The following SNTG2 variants were observed in gnomAD, a reference collection of about 807,000 sequenced individuals.
SNTG2 encodes syntrophin gamma 2.
In SNTG2, 74 loss-of-function variants were observed where a neutral mutation model predicts 70.9. That is an observed-to-expected ratio of 1.04 (90% confidence interval 0.86 to 1.27). The LOEUF (loss-of-function observed/expected upper bound fraction) is 1.27, where lower values mean the gene tolerates loss of function less well. Ranked by LOEUF, SNTG2 falls within the 50% of genes most tolerant of loss-of-function variation. The pLI is 0.00. For synonymous variants in SNTG2, 278 were observed against 273.8 expected (o/e 1.02, Z -0.15); for missense variants, 717 against 690.7 (o/e 1.04, Z -0.43).
At chr2:1,118,307 A>T (rs1667168172) in intron 4 of SNTG2, among the ~76,000 whole-genome samples, 1 of 152,068 alleles carries the variant, frequency 6.6e-6, no homozygotes, top group Admixed American at 6.6e-5. Flanking sequence ...GAGAAGTCAA[A>T]AGTAGTAGGA....
At chr2:1,339,363 A>G (rs926011943) in intron 16 of SNTG2, among the ~76,000 whole-genome samples, 3 of 152,120 alleles carry the variant, frequency 2.0e-5, no homozygotes, top group Non-Finnish European at 4.4e-5. Flanking sequence ...AAAGTTTTTT[A>G]TTTTGATCAA....
intron 4 of SNTG2, among the ~76,000 whole-genome samples, chr2:1,116,897 A>ACGGGTGCCCTG (rs1667038621): frequency 3.6e-5 from 1 of 28,128 alleles, no homozygotes; most frequent in African/African-American, 1.4e-4. Flanking sequence ...CGGGTGCCCT[A>ACGGGTGCCCTG]GTGTGTGGGT....
intron 14 of SNTG2, among the ~76,000 whole-genome samples, chr2:1,280,515 G>A (rs1382909044): frequency 1.3e-5 from 2 of 152,136 alleles, no homozygotes; most frequent in African/African-American, 2.4e-5. Flanking sequence ...ACTGGCCTTG[G>A]GGGGACCCAC....
Position 1,064,780 on chromosome 2 carries a change from CAG to C in SNTG2, c.73-18736_73-18735del, listed in dbSNP as rs1423768559. 2.0e-5 allele frequency among the ~76,000 whole-genome samples: 3 copies of C among 152,086 alleles called. No individual in the cohort carries two copies. In the East Asian group the frequency reaches 5.8e-4, roughly 29 times the overall value. ...AAGAACAAAGAATACAGTATCCAAA[CAG>C]AACACACACGGCAAACATGGTGAAA... On this transcript the variant is annotated intron_variant, in intron 1 of 16. Transcript: ENST00000308624.
intron 16 of SNTG2, among the ~76,000 whole-genome samples, chr2:1,339,100 T>C (rs1055653480): frequency 1.4e-4 from 21 of 152,224 alleles, no homozygotes; most frequent in African/African-American, 4.8e-4. Context: ...TTTGTTTGTT[T>C]GCATTTCCCC....
intron 1 of SNTG2, among the ~76,000 whole-genome samples, chr2:952,735 A>G (rs1215123048): frequency 6.6e-6 from 1 of 152,234 alleles, no homozygotes; most frequent in African/African-American, 2.4e-5. Context: ...CTAACTTTGC[A>G]GTCATAAGTA....
rs1383967758 is a variant in SNTG2 at position 1,332,648 on chromosome 2, G to A, written c.1488+16273G>A. Reference sequence around the variant, plus strand: ...GTTTCATACTGAGGATGCAGGGATGGTTTAACATACGTAAGTCAATAAATA... The same window carrying A: ...GTTTCATACTGAGGATGCAGGGATGATTTAACATACGTAAGTCAATAAATA... On this transcript the variant is annotated intron_variant, in intron 16 of 16. Coordinates refer to ENST00000308624, the MANE Select transcript of SNTG2 (RefSeq NM_018968.4). 3.3e-5 allele frequency among the ~76,000 whole-genome samples: 5 copies of A among 152,248 alleles called. No individual in the cohort carries two copies. The East Asian group carries it at 9.6e-4, about 29-fold the overall frequency.
chr2:1,048,309 G>A (rs897929163), intron 1 of SNTG2, among the ~76,000 whole-genome samples: 1 of 152,096 alleles, frequency 6.6e-6, no homozygotes, highest in African/African-American at 2.4e-5. Flanking sequence ...TGTGGCCAGC[G>A]CTGACATCCC....
chr2:1,321,524 C>T (rs1681521291), intron 16 of SNTG2, among the ~76,000 whole-genome samples: 1 of 152,144 alleles, frequency 6.6e-6, no homozygotes. Flanking sequence ...ATACTGAGAC[C>T]TGGCTGCTGA....
chr2:1,203,277 T>C (rs1434513908), intron 8 of SNTG2, among the ~76,000 whole-genome samples: 1 of 152,090 alleles, frequency 6.6e-6, no homozygotes, highest in South Asian at 2.1e-4. Flanking sequence ...TTTCAGGAAA[T>C]AGAGGAGGTT....
chr2:1,085,193 GA>G (rs1664603954), intron 2 of SNTG2, among the ~76,000 whole-genome samples: 2 of 152,028 alleles, frequency 1.3e-5, no homozygotes, highest in African/African-American at 2.4e-5. Context: ...CTTGAGCAAA[GA>G]AAAAAATCAA....
At chr2:1,183,989 G>A (rs950861638) in intron 8 of SNTG2, among the ~76,000 whole-genome samples, 3 of 152,142 alleles carry the variant, frequency 2.0e-5, no homozygotes, top group African/African-American at 7.2e-5. Context: ...ATATAAAATA[G>A]TTATTGCTTG....
chr2:1,112,529 T>G (rs1344229891), intron 4 of SNTG2, among the ~76,000 whole-genome samples: 2 of 151,534 alleles, frequency 1.3e-5, no homozygotes, highest in Non-Finnish European at 2.9e-5. Flanking sequence ...ACCCTTACAG[T>G]CCTTTCAGAA....
chr2:1,259,336 C>T (rs772926855), intron 12 of SNTG2, 34 bp from the exon 13 acceptor site: 11 of 1,608,828 alleles, frequency 6.8e-6, no homozygotes, highest in East Asian at 4.5e-5. Context: ...AAGTAGCATG[C>T]TGCTTTTCAT....
At chr2:1,140,710 C>G (rs1344646962) in intron 6 of SNTG2, among the ~76,000 whole-genome samples, 1 of 152,190 alleles carries the variant, frequency 6.6e-6, no homozygotes, top group Non-Finnish European at 1.5e-5. Context: ...TCATTTTTCT[C>G]CAGTTCAGTG....
chr2:984,047 G>A (rs183680514), intron 1 of SNTG2, among the ~76,000 whole-genome samples: 348 of 152,282 alleles, frequency 2.3e-3, no homozygotes, highest in African/African-American at 8.1e-3. Context: ...GCAGAGAGGG[G>A]CGGTGGCACC....
At chr2:1,271,626 T>G (rs556151658) in intron 14 of SNTG2, among the ~76,000 whole-genome samples, 1 of 152,238 alleles carries the variant, frequency 6.6e-6, no homozygotes, top group South Asian at 2.1e-4. Context: ...CCTTGCTGAG[T>G]TTTGAGGTCT....
intron 1 of SNTG2, among the ~76,000 whole-genome samples, chr2:1,014,760 AGAAGGATTTATAAGAGCAGAGAGAAGGG>A (rs1431428722): frequency 2.0e-5 from 3 of 150,530 alleles, no homozygotes; most frequent in Non-Finnish European, 4.5e-5. Context: ...GGTGGTCTGG[AGAAGGATTTATAAGAGCAGAGAGAAGGG>A]TGGTCTGGAG....
chr2:1,360,031 C>T (rs1320572940), intron 16 of SNTG2, among the ~76,000 whole-genome samples: 1 of 142,706 alleles, frequency 7.0e-6, no homozygotes, highest in Non-Finnish European at 1.5e-5. Flanking sequence ...GGGCACTGAA[C>T]AAATTCTATC....
Sources: allele counts gnomAD v4.1 joint callset (sites outside exome capture counted in the v4.1 genomes callset), GRCh38; gene constraint gnomAD v4.1.1; transcripts MANE v1.5; gene names NCBI Gene and HGNC (gene_info 2026-07-23, HGNC 2026-07-21).